TNR: variants seen among roughly 807,000 people sequenced by gnomAD.
TNR encodes the protein tenascin-R.
A neutral mutation model predicts 150.4 loss-of-function variants in TNR; 45 were observed. The ratio of observed to expected loss-of-function variants is 0.30; its 90% confidence interval spans 0.24 to 0.38. The LOEUF is 0.38. Among genes scored for constraint, TNR ranks in the 10% least tolerant of loss-of-function variants. TNR has a pLI of 1.00. For missense variants in TNR, 1,544 were observed against 1,759.1 expected (o/e 0.88, Z 2.19); for synonymous variants, 687 against 678.4 (o/e 1.01, Z -0.20).
chr1:175,391,552 G>A (rs1653172299), intron 6 of TNR, 114 bp from the exon 7 acceptor site: 5 of 1,244,904 alleles, frequency 4.0e-6, no homozygotes, highest in Non-Finnish European at 5.5e-6. Flanking sequence ...TTAAAATGGG[G>A]GCGATGTCTC....
Position 175,367,267 on chromosome 1 carries a change from C to A in TNR, c.1994G>T (p.Gly665Val), listed in dbSNP as rs1571345337. 2 of 1,614,124 alleles carry A rather than the reference C, an allele frequency of 1.2e-6. No homozygotes were observed. Among genetic ancestry groups the A allele is most frequent in the Non-Finnish European group, 8.5e-7 (1 of 1,180,002 alleles). Residue 665 changes from glycine to valine, a missense_variant, in exon 10 of 23, where the codon GGA becomes GTA. Coordinates refer to ENST00000367674, the MANE Select transcript of TNR (RefSeq NM_003285.3). ...CTGTGAGTTCATGACGGCAGATATT[C>A]CAACTCCATACTCAGTGCCAGGTAC... ...DLVPGTEYGVGISAVMNSQQS... is the reference protein window; with the variant it reads ...DLVPGTEYGVVISAVMNSQQS...
At chr1:175,451,804 T>C (rs1656337048) in intron 2 of TNR, among the ~76,000 whole-genome samples, 1 of 152,212 alleles carries the variant, frequency 6.6e-6, no homozygotes, top group Admixed American at 6.5e-5. Flanking sequence ...TTTTGAACGT[T>C]GGAGAGACAC....
intron 2 of TNR, among the ~76,000 whole-genome samples, chr1:175,495,389 A>T (rs1658444154): frequency 6.6e-6 from 1 of 152,192 alleles, no homozygotes; most frequent in African/African-American, 2.4e-5. Flanking sequence ...GTGAGTGCTC[A>T]TGGAATGTTT....
In TNR at chr1:175,610,354, G is replaced by A. The variant is rs1361902950; in HGVS notation, c.-164-81985C>T. On this transcript the variant is annotated intron_variant, in intron 1 of 22. Coordinates refer to ENST00000367674, the MANE Select transcript of TNR (RefSeq NM_003285.3). ...ATGCCCCTTTGTTTACCCATGGCAAGGCCAGACTCAGACTCTCCAAATTCC... is the reference window on the plus strand; with the variant it reads ...ATGCCCCTTTGTTTACCCATGGCAAAGCCAGACTCAGACTCTCCAAATTCC... Among the ~76,000 whole-genome samples, 4 of 152,212 alleles carry A rather than the reference G, an allele frequency of 2.6e-5. No individual in the cohort carries two copies. The East Asian group carries it at 5.8e-4, about 22-fold the overall frequency.
At chr1:175,735,580 T>A (rs563673946) in intron 1 of TNR, among the ~76,000 whole-genome samples, 29 of 151,754 alleles carry the variant, frequency 1.9e-4, no homozygotes, top group East Asian at 3.9e-4. Context: ...GATGCACTTG[T>A]GGAGATAAAT....
intron 18 of TNR, among the ~76,000 whole-genome samples, chr1:175,352,876 G>T (rs1224463002): frequency 6.6e-6 from 1 of 152,158 alleles, no homozygotes; most frequent in Middle Eastern, 3.2e-3. Context: ...GTCTTGCTTT[G>T]TCATTTAGAA....
chr1:175,587,854 C>T (rs1662636919), intron 1 of TNR, among the ~76,000 whole-genome samples: 1 of 152,114 alleles, frequency 6.6e-6, no homozygotes, highest in Non-Finnish European at 1.5e-5. Context: ...TCAGCCTGTG[C>T]AGGTTGTTGC....
chr1:175,525,312 G>A (rs1364571712), intron 2 of TNR, among the ~76,000 whole-genome samples: 3 of 152,152 alleles, frequency 2.0e-5, no homozygotes, highest in African/African-American at 7.2e-5. Flanking sequence ...CCAGTCCCAG[G>A]CAGTTCTTTA....
chr1:175,651,786 C>T (rs979925794), intron 1 of TNR, among the ~76,000 whole-genome samples: 9 of 151,744 alleles, frequency 5.9e-5, no homozygotes, highest in African/African-American at 1.7e-4. Flanking sequence ...ATTATAGGTT[C>T]ATTTCACTTA....
intron 2 of TNR, among the ~76,000 whole-genome samples, chr1:175,496,964 C>G (rs755957435): frequency 2.0e-5 from 3 of 152,182 alleles, no homozygotes; most frequent in Non-Finnish European, 4.4e-5. Flanking sequence ...GCCTTTCCCC[C>G]GTAAGTCCTA....
intron 2 of TNR, among the ~76,000 whole-genome samples, chr1:175,437,410 T>C (rs1102653): frequency 0.51 from 78,272 of 152,056 alleles, 21,887 homozygotes; most frequent in African/African-American, 0.74. Flanking sequence ...CACTAAATGC[T>C]CGCAAGAGAA....
chr1:175,493,102 C>T (rs1658331616), intron 2 of TNR, among the ~76,000 whole-genome samples: 1 of 152,078 alleles, frequency 6.6e-6, no homozygotes, highest in African/African-American at 2.4e-5. Flanking sequence ...GTGTCATTTC[C>T]TCATGCACCA....
At chr1:175,579,031 A>C (rs1167487919) in intron 1 of TNR, among the ~76,000 whole-genome samples, 1 of 152,202 alleles carries the variant, frequency 6.6e-6, no homozygotes, top group East Asian at 1.9e-4. Context: ...CTCTCAACTA[A>C]GCAAAAATAA....
chr1:175,349,831 C>T (rs1157078616), intron 18 of TNR, among the ~76,000 whole-genome samples: 1 of 152,158 alleles, frequency 6.6e-6, no homozygotes, highest in Non-Finnish European at 1.5e-5. Context: ...CCTCCTTCTC[C>T]ACAGCCAGGT....
chr1:175,490,386 A>C (rs779462274), intron 2 of TNR, among the ~76,000 whole-genome samples: 1 of 152,234 alleles, frequency 6.6e-6, no homozygotes, highest in Non-Finnish European at 1.5e-5. Context: ...ATCTAAGTAA[A>C]CTAAAGAGCT....
At chr1:175,384,423 C>A (rs1211182770) in intron 8 of TNR, among the ~76,000 whole-genome samples, 3 of 152,264 alleles carry the variant, frequency 2.0e-5, no homozygotes, top group Non-Finnish European at 1.5e-5. Flanking sequence ...AAAAATCCCA[C>A]TGGGCACCCC....
intron 19 of TNR, 38 bp downstream of exon 19, chr1:175,337,490 G>T: frequency 6.2e-7 from 1 of 1,611,354 alleles, no homozygotes; most frequent in Non-Finnish European, 8.5e-7. Context: ...AGAACACTGA[G>T]GACGCTTCTG....
intron 22 of TNR, among the ~76,000 whole-genome samples, chr1:175,323,856 T>C (rs985662391): frequency 6.6e-6 from 1 of 152,210 alleles, no homozygotes; most frequent in African/African-American, 2.4e-5. Context: ...GGTTTCTACC[T>C]AGGGTGACAA....
chr1:175,483,134 G>A (rs1657873859), intron 2 of TNR, among the ~76,000 whole-genome samples: 1 of 152,190 alleles, frequency 6.6e-6, no homozygotes, highest in Admixed American at 6.5e-5. Context: ...GTAAACAGAT[G>A]AATGAACAGG....
Sources: allele counts gnomAD v4.1 joint callset (sites outside exome capture counted in the v4.1 genomes callset), GRCh38; gene constraint gnomAD v4.1.1; transcripts MANE v1.5; gene names NCBI Gene and HGNC (gene_info 2026-07-23, HGNC 2026-07-21).